The following CKM variants were observed in gnomAD, a reference collection of about 807,000 sequenced individuals.
CKM encodes the protein creatine kinase M-type.
CKM carries 28 observed loss-of-function variants against 35.4 expected under a neutral mutation model. That is an observed-to-expected ratio of 0.79 (90% CI 0.59 to 1.08). CKM has a LOEUF of 1.08. Among genes scored for constraint, CKM ranks in the 50% least tolerant of loss-of-function variants. The probability of loss-of-function intolerance (pLI) is 0.00; values close to 1 mark genes in which losing one functional copy is unlikely to be tolerated. For missense variants in CKM, 484 were observed against 509.8 expected, an observed-to-expected ratio of 0.95 and a Z score of 0.49; for synonymous variants, 215 against 204.4, an observed-to-expected ratio of 1.05 and a Z score of -0.44.
chr19:45,315,704 T>G (rs955451014), intron 3 of CKM, 107 bp from the exon 4 acceptor site: 4 of 1,438,680 alleles, frequency 2.8e-6, no homozygotes, highest in Non-Finnish European at 3.8e-6. Context: ...TTCCTTTGCC[T>G]TCTGCATCCT....
chr19:45,310,154 T>A (rs568477068), intron 5 of CKM, among the ~76,000 whole-genome samples: 2,944 of 131,080 alleles, frequency 0.022, 43 homozygotes, highest in Non-Finnish European at 0.034. Context: ...AGAGTCTTGG[T>A]CTGTCGCCCA....
intron 5 of CKM, among the ~76,000 whole-genome samples, chr19:45,309,227 C>CAAAAA (rs59133395): frequency 1.2e-5 from 1 of 80,764 alleles, no homozygotes; most frequent in Admixed American, 1.5e-4. Flanking sequence ...GACTCCATCT[C>CAAAAA]AAAAAAAAAA....
At chr19:45,307,978 C>T (rs1199332172) in intron 6 of CKM, among the ~76,000 whole-genome samples, 1 of 151,886 alleles carries the variant, frequency 6.6e-6, no homozygotes, top group East Asian at 1.9e-4. Context: ...ATTCTCCTGC[C>T]TCAGCCTCCC....
At chr19:45,310,104 T>C (rs1398863176) in intron 5 of CKM, among the ~76,000 whole-genome samples, 1 of 145,912 alleles carries the variant, frequency 6.9e-6, no homozygotes, top group Non-Finnish European at 1.5e-5. Context: ...ACTTAGTGTA[T>C]ACCAGGCACT....
intron 6 of CKM, among the ~76,000 whole-genome samples, chr19:45,308,047 T>A (rs344795): frequency 6.6e-6 from 1 of 152,004 alleles, no homozygotes; most frequent in South Asian, 2.1e-4. Context: ...TATTTATTAA[T>A]TTTTTAGTAT....
intron 2 of CKM, 97 bp from the exon 3 acceptor site, chr19:45,318,076 A>T: frequency 9.9e-7 from 1 of 1,014,458 alleles, no homozygotes; most frequent in Non-Finnish European, 1.5e-6. Flanking sequence ...GTGTGTCGGG[A>T]TGGGGGCGGG....
intron 5 of CKM, 87 bp downstream of exon 5, chr19:45,311,662 T>C (rs1971110802): frequency 2.6e-6 from 3 of 1,136,164 alleles, no homozygotes; most frequent in East Asian, 2.6e-5. Flanking sequence ...TATATGGCCT[T>C]GGTTTTGGTG....
chr19:45,318,040 G>A, intron 2 of CKM, 61 bp from the exon 3 acceptor site: 1 of 1,480,642 alleles, frequency 6.8e-7, no homozygotes, highest in South Asian at 1.1e-5. Flanking sequence ...GTGGGCTTGT[G>A]GGCTCAGTGG....
chr19:45,313,724 G>T (rs761299697), intron 4 of CKM, among the ~76,000 whole-genome samples: 4 of 152,178 alleles, frequency 2.6e-5, no homozygotes, highest in African/African-American at 4.8e-5. Context: ...GCGCATGCCG[G>T]TGATCTCAGC....
intron 2 of CKM, 88 bp downstream of exon 2, chr19:45,319,433 C>A: frequency 8.8e-6 from 9 of 1,017,376 alleles, no homozygotes; most frequent in Admixed American, 2.1e-5. Flanking sequence ...GAGGCCCCCC[C>A]CCCTTCAAGG....
At chr19:45,308,750 G>C (rs1190452715) in intron 5 of CKM, among the ~76,000 whole-genome samples, 1 of 152,070 alleles carries the variant, frequency 6.6e-6, no homozygotes, top group East Asian at 1.9e-4. Context: ...GGACTTTTAG[G>C]GACTTAAGTC....
chr19:45,315,011 CCTAT>C (rs1371921812), intron 4 of CKM, among the ~76,000 whole-genome samples: 1 of 152,222 alleles, frequency 6.6e-6, no homozygotes. Context: ...CTCAACTCCT[CCTAT>C]CTGAGGTGGC....
Position 45,319,501 on chromosome 19 carries a change from G to C in CKM, c.193+20C>G. 6.2e-7 allele frequency: 1 copy of C among 1,606,782 alleles called. No individual in the cohort carries two copies. Among genetic ancestry groups the C allele is most frequent in the Non-Finnish European group, 8.5e-7 (1 of 1,173,990 alleles). ...AGAGCCCCCATGTAGCCCCTTCAGT[G>C]CTCCACTGGGGAGGCTCACCTGGGT... On this transcript the variant is annotated intron_variant, in intron 2 of 7. Transcript: ENST00000221476.
intron 2 of CKM, 66 bp downstream of exon 2, chr19:45,319,454 TG>T: frequency 7.6e-7 from 1 of 1,308,138 alleles, no homozygotes; most frequent in Non-Finnish European, 1.1e-6. Flanking sequence ...GTGGTGGGAT[TG>T]GGGCATGGCC....
chr19:45,322,559 C>G (rs945656279), intron 1 of CKM, among the ~76,000 whole-genome samples: 3 of 152,300 alleles, frequency 2.0e-5, no homozygotes, highest in South Asian at 4.1e-4. Flanking sequence ...GTCAGGACCC[C>G]TTTCATCTCG....
chr19:45,315,924 A>G (rs1481690224), intron 3 of CKM, among the ~76,000 whole-genome samples: 2 of 147,286 alleles, frequency 1.4e-5, no homozygotes, highest in Admixed American at 1.4e-4. Flanking sequence ...GCTCACTGCA[A>G]CCTCAAACTC....
Position 45,307,447 on chromosome 19 carries a change from T to C in CKM, c.967+14A>G. On this transcript the variant is annotated intron_variant, in intron 7 of 7. Coordinates refer to ENST00000221476, the MANE Select transcript of CKM (RefSeq NM_001824.5). The stretch of plus-strand genomic sequence containing the variant: ...TCCCCCTCCGTCGTGGTGCAAAGGA[T>C]GTGGGAGCCGTACCTGTACCCCTCT... The C allele has an allele frequency of 6.2e-7, 1 of 1,612,820 alleles. No individual in the cohort carries two copies. The highest frequency in any genetic ancestry group is 8.5e-7 in the Non-Finnish European group (1 of 1,179,146).
chr19:45,310,116 C>CTTTTTTTT lies in CKM; in HGVS notation c.654-1592_654-1585dup, dbSNP rs56240150. Among the ~76,000 whole-genome samples, 11 of 93,920 alleles carry CTTTTTTTT rather than the reference C, an allele frequency of 1.2e-4. 1 individual carries two copies. Among genetic ancestry groups the CTTTTTTTT allele is most frequent in the South Asian group, 4.4e-4 (1 of 2,268 alleles). 61.6% of individuals were successfully genotyped at this position (93,920 alleles called of 152,430 possible). On this transcript the variant is annotated intron_variant, in intron 5 of 7. Coordinates refer to ENST00000221476, the MANE Select transcript of CKM (RefSeq NM_001824.5). The stretch of plus-strand genomic sequence containing the variant: ...AACACTTAGTGTATACCAGGCACTG[C>CTTTTTTTT]TTTTTTTTTTTTTTTTTTTTTTGAG...
intron 4 of CKM, 134 bp from the exon 5 acceptor site, chr19:45,312,054 C>T: frequency 1.0e-6 from 1 of 975,006 alleles, no homozygotes; most frequent in Non-Finnish European, 1.6e-6. Context: ...GGCACCTGAA[C>T]CCTGTGTCTA....
Sources: allele counts gnomAD v4.1 joint callset (sites outside exome capture counted in the v4.1 genomes callset), GRCh38; gene constraint gnomAD v4.1.1; transcripts MANE v1.5; gene names NCBI Gene and HGNC (gene_info 2026-07-23, HGNC 2026-07-21).